The following DNER variants were observed in gnomAD, a reference collection of about 807,000 sequenced individuals.
DNER encodes the protein delta/notch like EGF repeat containing, also known as delta and Notch-like epidermal growth factor-related receptor.
A neutral mutation model predicts 78.2 loss-of-function variants in DNER; 33 were observed. The observed-to-expected ratio is 0.42, with a 90% confidence interval of 0.32 to 0.56. The LOEUF (loss-of-function observed/expected upper bound fraction) is 0.56, where lower values mean the gene tolerates loss of function less well. Among genes scored for constraint, DNER ranks in the 20% least tolerant of loss-of-function variants. The pLI, the probability that DNER is intolerant of heterozygous loss-of-function variation, is 0.11. For synonymous variants in DNER, 417 were observed against 384.8 expected (o/e 1.08, Z -0.98); for missense variants, 918 against 975.3 (o/e 0.94, Z 0.78).
chr2:229,378,772 G>A (rs1490971673), intron 11 of DNER, among the ~76,000 whole-genome samples: 1 of 152,172 alleles, frequency 6.6e-6, no homozygotes, highest in Non-Finnish European at 1.5e-5. Context: ...CATGGCTCAC[G>A]CAGGACTAGA....
intron 10 of DNER, among the ~76,000 whole-genome samples, chr2:229,397,366 C>A (rs10172172): frequency 6.6e-6 from 1 of 150,980 alleles, no homozygotes; most frequent in East Asian, 1.9e-4. Flanking sequence ...AAAACTCCCA[C>A]GAAAGCCTGT....
chr2:229,665,396 C>CA (rs1200388788), intron 1 of DNER, among the ~76,000 whole-genome samples: 1 of 152,080 alleles, frequency 6.6e-6, no homozygotes, highest in African/African-American at 2.4e-5. Context: ...AGCTGGCCAA[C>CA]ACTCTAGCTC....
rs1692365895 is a variant in DNER at position 229,367,051 on chromosome 2, T to C, written c.1924A>G (p.Ile642Val). The change falls in exon 12 of 13, where the codon ATC becomes GTC. Residue 642 changes from isoleucine to valine, a missense_variant. Physicochemically the swap from Ile to Val is conservative, Grantham distance 29 (BLOSUM62 3). Transcript: ENST00000341772. ...TNMPRHSLYIIIGALCVAFIL... is the reference protein window; with the variant it reads ...TNMPRHSLYIVIGALCVAFIL... ...AAGGCCACGCAGAGGGCTCCAATGATGATGTAGAGGGAGTGCCGTGGCATG... is the reference window on the plus strand; with the variant it reads ...AAGGCCACGCAGAGGGCTCCAATGACGATGTAGAGGGAGTGCCGTGGCATG... 1.9e-6 allele frequency: 3 copies of C among 1,614,056 alleles called. No individual in the cohort carries two copies. The highest frequency in any genetic ancestry group is 2.5e-6 in the Non-Finnish European group (3 of 1,179,990).
At chr2:229,623,961 T>A (rs1698293996) in intron 1 of DNER, among the ~76,000 whole-genome samples, 1 of 152,230 alleles carries the variant, frequency 6.6e-6, no homozygotes, top group Admixed American at 6.5e-5. Context: ...CTCACGTGAA[T>A]AACCAACAGC....
chr2:229,524,767 G>A (rs1351276807), intron 5 of DNER, among the ~76,000 whole-genome samples: 1 of 152,228 alleles, frequency 6.6e-6, no homozygotes, highest in African/African-American at 2.4e-5. Context: ...CCAGGTAAAA[G>A]GGTGAAGCCC....
At chr2:229,418,845 T>C (rs969536278) in intron 8 of DNER, among the ~76,000 whole-genome samples, 1 of 151,700 alleles carries the variant, frequency 6.6e-6, no homozygotes, top group Non-Finnish European at 1.5e-5. Context: ...CACTTGAACC[T>C]GGGAGGCAGA....
chr2:229,361,931 T>C (rs1692226954), intron 12 of DNER, among the ~76,000 whole-genome samples: 1 of 152,044 alleles, frequency 6.6e-6, no homozygotes, highest in African/African-American at 2.4e-5. Context: ...GTGGAACACT[T>C]AGTGTTCATA....
At chr2:229,511,019 A>T (rs1299021441) in intron 6 of DNER, among the ~76,000 whole-genome samples, 1 of 152,208 alleles carries the variant, frequency 6.6e-6, no homozygotes, top group African/African-American at 2.4e-5. Flanking sequence ...CACACAATGA[A>T]AGAATATACG....
chr2:229,639,665 G>T (rs141461530), intron 1 of DNER, among the ~76,000 whole-genome samples: 273 of 152,252 alleles, frequency 1.8e-3, no homozygotes, highest in African/African-American at 6.5e-3. Context: ...GCTTTTGAGG[G>T]TTTATATTTG....
At chr2:229,659,788 A>G (rs1408927920) in intron 1 of DNER, among the ~76,000 whole-genome samples, 2 of 152,162 alleles carry the variant, frequency 1.3e-5, no homozygotes, top group Non-Finnish European at 2.9e-5. Context: ...TATACCTTAC[A>G]TTATATATTA....
Position 229,366,878 on chromosome 2 carries a change from A to T in DNER, c.2097T>A (p.His699Gln), listed in dbSNP as rs1225482814. 1 of 1,614,060 alleles carries T rather than the reference A, an allele frequency of 6.2e-7. No homozygotes were observed. Among genetic ancestry groups the T allele is most frequent in the African/African-American group, 1.3e-5 (1 of 74,956 alleles). ...ACGCCGCCCCCACAGCCAACCTGGC[A>T]TGCCGGATGGATGCAATGGCATTGC... ...EFSNAIASIR[H>Q]ARFGKKSRPA... Residue 699 changes from histidine (H) to glutamine (Q), a missense_variant, in exon 12 of 13, where the codon CAT becomes CAA. Transcript: ENST00000341772.
chr2:229,678,782 T>C (rs1489343461), intron 1 of DNER, among the ~76,000 whole-genome samples: 1 of 152,234 alleles, frequency 6.6e-6, no homozygotes, highest in Non-Finnish European at 1.5e-5. Context: ...GTCACATGAC[T>C]TTCCTGTATT....
intron 1 of DNER, among the ~76,000 whole-genome samples, chr2:229,664,582 T>C (rs949111911): frequency 6.6e-6 from 1 of 152,180 alleles, no homozygotes; most frequent in African/African-American, 2.4e-5. Flanking sequence ...GGCCCCACAC[T>C]AGAAGCAATG....
chr2:229,630,805 T>C (rs1426830911), intron 1 of DNER, among the ~76,000 whole-genome samples: 1 of 152,110 alleles, frequency 6.6e-6, no homozygotes, highest in Non-Finnish European at 1.5e-5. Context: ...CTCCCCACTC[T>C]TGTAGTCCCC....
chr2:229,624,562 C>T (rs1009488388), intron 1 of DNER, among the ~76,000 whole-genome samples: 1 of 151,840 alleles, frequency 6.6e-6, no homozygotes, highest in African/African-American at 2.4e-5. Context: ...ACCAGAAATA[C>T]ACTAATGTTT....
rs115917407 is a variant in DNER at position 229,616,670 on chromosome 2, C to T, written c.277-24782G>A. 8.6e-3 allele frequency among the ~76,000 whole-genome samples: 1,307 copies of T among 152,300 alleles called. 18 individuals carry two copies. The highest frequency in any genetic ancestry group is 0.029 in the African/African-American group (1,219 of 41,554). On this transcript the variant is annotated intron_variant, in intron 1 of 12. Transcript: ENST00000341772. Reference sequence around the variant, plus strand: ...CATCATCTCCACTCTCTGGGTGTCACGGGTGAAGTGAGGGAGCTGTCTCAG... The same window carrying T: ...CATCATCTCCACTCTCTGGGTGTCATGGGTGAAGTGAGGGAGCTGTCTCAG...
intron 8 of DNER, among the ~76,000 whole-genome samples, chr2:229,440,991 T>C (rs1450533007): frequency 1.3e-5 from 2 of 152,202 alleles, no homozygotes; most frequent in Non-Finnish European, 2.9e-5. Context: ...CTAAAATACA[T>C]ATCAGCTCAT....
At position 229,561,937 on chromosome 2, in the gene DNER, G is replaced by T. The variant is rs565450855; in HGVS notation, c.848-14845C>A. ...CGTATTGTACATTTACAAGGACCGA[G>T]CACGCGCCCTTCCTATTGGCTAAAA... On this transcript the variant is annotated intron_variant, in intron 4 of 12. Coordinates refer to ENST00000341772, the MANE Select transcript of DNER (RefSeq NM_139072.4). Among the ~76,000 whole-genome samples the T allele has an allele frequency of 2.0e-5, 3 of 152,148 alleles. No homozygotes were observed. The South Asian group carries it at 6.2e-4, about 32-fold the overall frequency.
At chr2:229,478,555 G>T (rs976896671) in intron 6 of DNER, among the ~76,000 whole-genome samples, 1 of 152,112 alleles carries the variant, frequency 6.6e-6, no homozygotes. Flanking sequence ...AGGAGAAAAG[G>T]CTATTTCAAA....
Sources: allele counts gnomAD v4.1 joint callset (sites outside exome capture counted in the v4.1 genomes callset), GRCh38; gene constraint gnomAD v4.1.1; transcripts MANE v1.5; gene names NCBI Gene and HGNC (gene_info 2026-07-23, HGNC 2026-07-21).